Variants in ATRNL1 observed in about 807,000 individuals in gnomAD.
The protein encoded by ATRNL1 is attractin like 1.
ATRNL1 carries 95 observed loss-of-function variants against 182.7 expected under a neutral mutation model. That is an observed-to-expected ratio of 0.52 (90% confidence interval 0.44 to 0.62). The LOEUF (loss-of-function observed/expected upper bound fraction) is 0.62. Ranked by LOEUF, ATRNL1 falls within the 20% of genes least tolerant of loss-of-function variation. The pLI is 0.00. For missense variants in ATRNL1, 1,471 were observed against 1,679.5 expected (o/e 0.88, Z 2.17); for synonymous variants, 576 against 568.3 (o/e 1.01, Z -0.19).
intron 19 of ATRNL1, among the ~76,000 whole-genome samples, chr10:115,360,714 G>A (rs1307529641): frequency 6.6e-6 from 1 of 151,562 alleles, no homozygotes; most frequent in Non-Finnish European, 1.5e-5. Flanking sequence ...AGAATGTGGA[G>A]GAGGTTTGTT....
In ATRNL1 at chr10:115,093,981, C is replaced by T. The variant is rs782622984; in HGVS notation, c.231C>T (p.Ser77=). 1.9e-6 allele frequency: 3 copies of T among 1,586,052 alleles called. No individual in the cohort carries two copies. In the South Asian group the frequency reaches 3.4e-5, roughly 18 times the overall value. Residue 77 remains serine (S), a synonymous_variant, in exon 1 of 29, where the codon TCC becomes TCT. Coordinates refer to ENST00000355044, the MANE Select transcript of ATRNL1 (RefSeq NM_207303.4). This position sits in a 1 kb window ranked among gnomAD's most constrained non-coding sequence, Gnocchi z 6.1. ...GCTTCTCGGGCCGCTGTGTCAACTCCACCTGCCTCTGCGACCCGGGCTGGG... is the reference window on the plus strand; with the variant it reads ...GCTTCTCGGGCCGCTGTGTCAACTCTACCTGCCTCTGCGACCCGGGCTGGG... The part of the protein sequence containing the change: ...GSCFSGRCVN[S]TCLCDPGWVG...
chr10:115,327,656 A>G (rs1273194778), intron 18 of ATRNL1, among the ~76,000 whole-genome samples: 1 of 150,804 alleles, frequency 6.6e-6, no homozygotes, highest in African/African-American at 2.4e-5. Context: ...TTGCGGCACT[A>G]TTCACAATAG....
chr10:115,392,592 G>A (rs552749746), intron 19 of ATRNL1, among the ~76,000 whole-genome samples: 3 of 152,064 alleles, frequency 2.0e-5, no homozygotes, highest in African/African-American at 7.2e-5. Context: ...TCTTTCTAGG[G>A]GAGAGGAGAA....
At chr10:115,442,329 T>A (rs1437876080) in intron 21 of ATRNL1, among the ~76,000 whole-genome samples, 1 of 114,924 alleles carries the variant, frequency 8.7e-6, no homozygotes, top group Non-Finnish European at 1.9e-5. Context: ...GTGTAAACAA[T>A]CAGGAACTTT....
In ATRNL1 at chr10:115,453,585, A is replaced by G. The variant is rs997999622; in HGVS notation, c.3323-8356A>G. On this transcript the variant is annotated intron_variant, in intron 21 of 28. Transcript: ENST00000355044. ...TTTTGTTGCCTGTGCTTTTGGTAGT[A>G]TGTTCAAGAAATCATTGTGTACTAT... Among the ~76,000 whole-genome samples, 5 of 152,016 alleles carry G rather than the reference A, an allele frequency of 3.3e-5. No individual in the cohort carries two copies. The East Asian group carries it at 7.7e-4, about 23-fold the overall frequency.
intron 27 of ATRNL1, among the ~76,000 whole-genome samples, chr10:115,799,041 G>T (rs961636455): frequency 1.3e-5 from 2 of 151,876 alleles, no homozygotes; most frequent in Non-Finnish European, 2.9e-5. Context: ...TGGCCGGGCT[G>T]GTCTTGAACT....
intron 26 of ATRNL1, among the ~76,000 whole-genome samples, chr10:115,591,084 A>G (rs1414131540): frequency 2.6e-5 from 4 of 152,234 alleles, no homozygotes; most frequent in Non-Finnish European, 4.4e-5. Context: ...ACTAGCACGT[A>G]CAAGATATGC....
chr10:115,111,435 G>A (rs556016121), intron 1 of ATRNL1, among the ~76,000 whole-genome samples: 1 of 152,310 alleles, frequency 6.6e-6, no homozygotes, highest in South Asian at 2.1e-4. Flanking sequence ...TGTACAAGAA[G>A]CATGGCACCA....
chr10:115,759,992 T>C (rs1555073164), intron 27 of ATRNL1, among the ~76,000 whole-genome samples: 1 of 151,564 alleles, frequency 6.6e-6, no homozygotes, highest in African/African-American at 2.4e-5. Context: ...GTACCCGGCC[T>C]GAGTAAATAA....
chr10:115,772,293 C>G (rs144546896), intron 27 of ATRNL1, among the ~76,000 whole-genome samples: 15 of 152,262 alleles, frequency 9.9e-5, no homozygotes, highest in African/African-American at 3.6e-4. Context: ...GAGAAAATAT[C>G]ATGTTGCTTA....
chr10:115,342,755 T>C (rs1044364722), intron 19 of ATRNL1, among the ~76,000 whole-genome samples: 1 of 152,100 alleles, frequency 6.6e-6, no homozygotes, highest in Non-Finnish European at 1.5e-5. Context: ...GTACTCCCTT[T>C]AGCATTTCTT....
intron 10 of ATRNL1, among the ~76,000 whole-genome samples, chr10:115,249,898 A>G (rs1294587787): frequency 1.3e-5 from 2 of 152,248 alleles, no homozygotes; most frequent in African/African-American, 2.4e-5. Flanking sequence ...AGTCAGACAG[A>G]TTAAAAATGT....
At chr10:115,739,983 G>C (rs1204092647) in intron 27 of ATRNL1, among the ~76,000 whole-genome samples, 1 of 152,142 alleles carries the variant, frequency 6.6e-6, no homozygotes, top group Non-Finnish European at 1.5e-5. Context: ...CAATGGAATA[G>C]CTGACTGTAA....
chr10:115,801,416 G>C (rs1949789615), intron 27 of ATRNL1, among the ~76,000 whole-genome samples: 2 of 152,158 alleles, frequency 1.3e-5, no homozygotes, highest in South Asian at 4.1e-4. Flanking sequence ...AAAACTACTA[G>C]TATAAAAAGT....
rs147863688 is a variant in ATRNL1 at position 115,789,008 on chromosome 10, C to T, written c.3904-58869C>T. 1.3e-3 allele frequency among the ~76,000 whole-genome samples: 201 copies of T among 152,290 alleles called. 3 individuals are homozygous for T. The South Asian group carries it at 0.024, about 18-fold the overall frequency. On this transcript the variant is annotated intron_variant, in intron 27 of 28. Transcript: ENST00000355044. ...TTTTATGATGTTGTGTTATCACACA[C>T]GTTATAAAATAAAGGATTCTGTGGG...
intron 12 of ATRNL1, 78 bp from the exon 13 acceptor site, chr10:115,268,248 C>A: frequency 1.2e-6 from 1 of 831,844 alleles, no homozygotes; most frequent in Non-Finnish European, 2.0e-6. Context: ...CTTAATGATT[C>A]TTAAATAGAT....
intron 20 of ATRNL1, among the ~76,000 whole-genome samples, chr10:115,396,417 G>C (rs1231942024): frequency 6.6e-6 from 1 of 151,740 alleles, no homozygotes; most frequent in Non-Finnish European, 1.5e-5. Context: ...CACTTACAAG[G>C]GCAGCACACT....
At chr10:115,242,858 G>A (rs1305940332) in intron 10 of ATRNL1, among the ~76,000 whole-genome samples, 3 of 151,980 alleles carry the variant, frequency 2.0e-5, no homozygotes, top group Non-Finnish European at 4.4e-5. Context: ...AATTTGAAGT[G>A]GTAACTCCTG....
In ATRNL1 at chr10:115,785,412, T is replaced by C. The variant is rs541855273; in HGVS notation, c.3903+58057T>C. Reference sequence around the variant, plus strand: ...GTGGCTCCACCCTTAGAGTCATTCCTCCTCCATTTTCTCTCATCTGTGTCC... The same window carrying C: ...GTGGCTCCACCCTTAGAGTCATTCCCCCTCCATTTTCTCTCATCTGTGTCC... On this transcript the variant is annotated intron_variant, in intron 27 of 28. Transcript: ENST00000355044. Among the ~76,000 whole-genome samples, 243 of 152,314 alleles carry C rather than the reference T, an allele frequency of 1.6e-3. 11 individuals are homozygous for C. In the South Asian group the frequency reaches 0.049, roughly 30 times the overall value.
Sources: gnomAD v4.1 joint callset for allele counts (sites outside exome capture counted in the v4.1 genomes callset) on GRCh38, gnomAD v4.1.1 for gene constraint, Gnocchi (gnomAD v3.1) non-coding constraint, MANE v1.5 for transcripts, NCBI Gene and HGNC (gene_info 2026-07-23, HGNC 2026-07-21) for gene names.